Variants in PTPRC observed in about 807,000 individuals in gnomAD.
PTPRC encodes receptor-type tyrosine-protein phosphatase C.
Under a neutral mutation model 155.9 loss-of-function variants are expected in PTPRC, and 44 were observed. The ratio of observed to expected loss-of-function variants is 0.28; its 90% CI spans 0.22 to 0.36. The LOEUF (loss-of-function observed/expected upper bound fraction) is 0.36. PTPRC is among the 10% of genes least tolerant of loss of function. PTPRC has a pLI of 1.00. For synonymous variants in PTPRC, 525 were observed against 533.1 expected, an observed-to-expected ratio of 0.98 and a Z score of 0.21; for missense variants, 1,401 against 1,564.6, an observed-to-expected ratio of 0.90 and a Z score of 1.76.
chr1:198,752,837 G>T, intron 31 of PTPRC, 65 bp downstream of exon 31: 1 of 1,528,426 alleles, frequency 6.5e-7, no homozygotes, highest in South Asian at 1.1e-5. Context: ...TTCACATGTT[G>T]TCTTATCTAG....
At chr1:198,728,483 G>T in intron 16 of PTPRC, 35 bp downstream of exon 16, 1 of 1,604,614 alleles carries the variant, frequency 6.2e-7, no homozygotes, top group Non-Finnish European at 8.5e-7. Flanking sequence ...AATAATAATG[G>T]TATTAGTAAT....
At chr1:198,714,337 AG>A (rs1348377198) in intron 12 of PTPRC, among the ~76,000 whole-genome samples, 5 of 151,932 alleles carry the variant, frequency 3.3e-5, no homozygotes, top group Admixed American at 3.3e-4. Context: ...ATATTTTTAC[AG>A]TTTTTTTAAA....
chr1:198,728,283 C>A, intron 15 of PTPRC, 57 bp from the exon 16 acceptor site: 1 of 1,371,090 alleles, frequency 7.3e-7, no homozygotes, highest in South Asian at 1.2e-5. Context: ...GATTATTCAA[C>A]CAGTCTAGCA....
At position 198,732,483 on chromosome 1, in the gene PTPRC, A is replaced by G. The variant is rs1047743116; in HGVS notation, c.2069A>G (p.Asp690Gly). Reference sequence around the variant, plus strand: ...TATTTTTCTTTTCCTTAAACAGATGATTATAACCGTGTTGAACTCTCTGAG... The same window carrying G: ...TATTTTTCTTTTCCTTAAACAGATGGTTATAACCGTGTTGAACTCTCTGAG... ...KNRYVDILPY[D>G]YNRVELSEIN... The change falls in exon 20 of 33, where the codon GAT becomes GGT. Residue 690 changes from aspartate (D) to glycine (G), a missense_variant. By Grantham distance (94) the Asp-to-Gly change is moderately conservative. Around this residue, in one of 3 missense-constraint regions of PTPRC, gnomAD observed 867 missense variants for 970.4 expected, o/e 0.89. Coordinates refer to ENST00000442510, the MANE Select transcript of PTPRC (RefSeq NM_002838.5). 6.2e-7 allele frequency: 1 copy of G among 1,610,620 alleles called. No individual in the cohort carries two copies. Among genetic ancestry groups the G allele is most frequent in the Non-Finnish European group, 8.5e-7 (1 of 1,177,866 alleles).
chr1:198,703,416 C>T, intron 7 of PTPRC, 44 bp downstream of exon 7: 1 of 1,608,420 alleles, frequency 6.2e-7, no homozygotes, highest in Non-Finnish European at 8.5e-7. Flanking sequence ...CCCCATGTGC[C>T]TGGTGATGTG....
intron 3 of PTPRC, among the ~76,000 whole-genome samples, chr1:198,696,050 CT>C (rs1423339717): frequency 6.6e-6 from 1 of 151,896 alleles, no homozygotes; most frequent in East Asian, 1.9e-4. Flanking sequence ...ATCCCAGCTA[CT>C]TGGGTGGCTG....
At chr1:198,706,460 C>G (rs942809123) in intron 8 of PTPRC, among the ~76,000 whole-genome samples, 1 of 152,046 alleles carries the variant, frequency 6.6e-6, no homozygotes, top group South Asian at 2.1e-4. Flanking sequence ...ATAAAAATAG[C>G]CTAGACTTTG....
chr1:198,748,875 G>A (rs76994327), intron 27 of PTPRC, among the ~76,000 whole-genome samples: 5 of 151,798 alleles, frequency 3.3e-5, no homozygotes, highest in African/African-American at 1.2e-4. Flanking sequence ...CCTTATGAAT[G>A]TAGTTTAAAA....
intron 5 of PTPRC, among the ~76,000 whole-genome samples, chr1:198,700,791 C>T (rs1290702134): frequency 6.6e-6 from 1 of 152,160 alleles, no homozygotes; most frequent in African/African-American, 2.4e-5. Context: ...TAGGATTAAT[C>T]AACCTAATTA....
At chr1:198,707,018 C>A in intron 9 of PTPRC, 66 bp downstream of exon 9, 1 of 1,329,912 alleles carries the variant, frequency 7.5e-7, no homozygotes, top group South Asian at 1.2e-5. Context: ...GTGGTGTTCT[C>A]CAGTGGTCAC....
chr1:198,702,579 G>T, intron 6 of PTPRC, 49 bp downstream of exon 6: 1 of 1,606,516 alleles, frequency 6.2e-7, no homozygotes, highest in Non-Finnish European at 8.5e-7. Flanking sequence ...ATAATGAAAT[G>T]GAAACTCAAA....
At chr1:198,754,151 A>C in intron 31 of PTPRC, 118 bp from the exon 32 acceptor site, 1 of 1,255,976 alleles carries the variant, frequency 8.0e-7, no homozygotes, top group Non-Finnish European at 1.1e-6. Flanking sequence ...AGGTTGGAAT[A>C]AGATAATTAT....
At chr1:198,749,678 T>C (rs780599666) in intron 28 of PTPRC, 129 bp downstream of exon 28, 137 of 857,944 alleles carry the variant, frequency 1.6e-4, no homozygotes, top group Non-Finnish European at 2.0e-4. Context: ...TAGATTGACA[T>C]GAGAGTTTCA....
chr1:198,706,155 T>C (rs1160444223), intron 8 of PTPRC, among the ~76,000 whole-genome samples: 3 of 152,210 alleles, frequency 2.0e-5, no homozygotes, highest in Admixed American at 6.5e-5. Context: ...TGTAAAGATA[T>C]TTTTATCAGT....
intron 2 of PTPRC, chr1:198,679,989 G>C (rs994055992): frequency 3.2e-6 from 2 of 615,602 alleles, no homozygotes; most frequent in African/African-American, 3.8e-5. Flanking sequence ...GCGGCTGCCC[G>C]TCCACTTCCT....
In PTPRC at chr1:198,662,444, C is replaced by CTGTGTGTG. The variant is rs5779935; in HGVS notation, c.73+23130_73+23137dup. On this transcript the variant is annotated intron_variant, in intron 2 of 32. Transcript: ENST00000442510. ...ATTTTGGCTGGGAATTTTCTGAGAGCTGTGTGTGTGTGTGTGTGTGTGTGT... is the reference window on the plus strand; with the variant it reads ...ATTTTGGCTGGGAATTTTCTGAGAGCTGTGTGTGTGTGTGTGTGTGTGTGTGTGTGTGT... Among the ~76,000 whole-genome samples, 321 of 131,236 alleles carry CTGTGTGTG rather than the reference C, an allele frequency of 2.4e-3. 2 individuals are homozygous for CTGTGTGTG. The highest frequency in any genetic ancestry group is 3.3e-3 in the Admixed American group (43 of 12,904). 86.1% of individuals were successfully genotyped at this position (131,236 alleles called of 152,430 possible). A position where few individuals can be genotyped will look rare whatever the true frequency, so the allele number is the denominator to read the frequency against.
Position 198,752,333 on chromosome 1 carries a change from A to G in PTPRC, c.3292A>G (p.Thr1098Ala), listed in dbSNP as rs1462340448. 9 of 1,612,638 alleles carry G rather than the reference A, an allele frequency of 5.6e-6. No homozygotes were observed. Among genetic ancestry groups the G allele is most frequent in the African/African-American group, 1.3e-5 (1 of 74,824 alleles). ...VDLKDTDKSS[T>A]YTLRVFELRH... ...CCTGAAAGACACAGACAAATCTTCA[A>G]CTTATACCCTTCGTGTCTTTGAACT... is the stretch of plus-strand genomic sequence containing the variant. The change falls in exon 30 of 33, where the codon ACT (threonine) becomes GCT (alanine). Residue 1098 changes from threonine to alanine, a missense_variant. Physicochemically the swap from Thr to Ala is moderately conservative, Grantham distance 58. This residue lies in a region of PTPRC where 400 missense variants were observed against 389.5 expected (regional missense o/e 1.03). Transcript: ENST00000442510.
chr1:198,659,620 C>T (rs866073075), intron 2 of PTPRC, among the ~76,000 whole-genome samples: 3 of 151,194 alleles, frequency 2.0e-5, no homozygotes, highest in South Asian at 2.1e-4. Flanking sequence ...CTGCAACCTA[C>T]GCTTCCCAGG....
At chr1:198,689,250 A>G (rs905140815) in intron 2 of PTPRC, among the ~76,000 whole-genome samples, 1 of 152,162 alleles carries the variant, frequency 6.6e-6, no homozygotes, top group Non-Finnish European at 1.5e-5. Context: ...TGGAACATAT[A>G]CGTAGTCTGA....
Sources: gnomAD v4.1 joint callset for allele counts (sites outside exome capture counted in the v4.1 genomes callset) on GRCh38, gnomAD v4.1.1 for gene constraint, gnomAD v4.1.1 regional missense constraint, MANE v1.5 for transcripts, NCBI Gene and HGNC (gene_info 2026-07-23, HGNC 2026-07-21) for gene names.